CLIC4: variants seen among roughly 807,000 people sequenced by gnomAD.
CLIC4 encodes the protein chloride intracellular channel protein 4.
In CLIC4, 13 loss-of-function variants were observed where a neutral mutation model predicts 24.6. The ratio of observed to expected loss-of-function variants is 0.53; its 90% confidence interval spans 0.34 to 0.84. The LOEUF is 0.84. Among genes scored for constraint, CLIC4 ranks in the 40% least tolerant of loss-of-function variants. The probability of loss-of-function intolerance (pLI) is 0.01; values close to 1 mark genes in which losing one functional copy is unlikely to be tolerated. For missense variants in CLIC4, 227 were observed against 301.7 expected, an observed-to-expected ratio of 0.75 and a Z score of 1.83; for synonymous variants, 104 against 111.3, an observed-to-expected ratio of 0.93 and a Z score of 0.41.
intron 1 of CLIC4, among the ~76,000 whole-genome samples, chr1:24,775,481 T>A (rs1375848546): frequency 6.6e-6 from 1 of 151,668 alleles, no homozygotes; most frequent in East Asian, 1.9e-4. Context: ...AATTGAATAA[T>A]TTCTTGGTTC....
intron 3 of CLIC4, among the ~76,000 whole-genome samples, chr1:24,820,108 TG>T (rs1271780023): frequency 1.0e-5 from 1 of 97,552 alleles, no homozygotes; most frequent in Non-Finnish European, 2.2e-5. Context: ...GACAGTATCT[TG>T]TACTGTCGCC....
At chr1:24,821,518 T>G (rs1453742668) in intron 3 of CLIC4, among the ~76,000 whole-genome samples, 1 of 151,978 alleles carries the variant, frequency 6.6e-6, no homozygotes, top group East Asian at 1.9e-4. Flanking sequence ...GGGTAAAAAT[T>G]TTTACTTCTT....
chr1:24,789,367 A>C (rs1329445823), intron 1 of CLIC4, among the ~76,000 whole-genome samples: 1 of 152,126 alleles, frequency 6.6e-6, no homozygotes, highest in South Asian at 2.1e-4. Flanking sequence ...AAAATACAAA[A>C]ATTAGCTGGG....
intron 2 of CLIC4, among the ~76,000 whole-genome samples, chr1:24,799,304 C>T (rs1237692022): frequency 2.6e-5 from 4 of 151,986 alleles, no homozygotes; most frequent in African/African-American, 4.8e-5. Flanking sequence ...CCCGCCTCCC[C>T]ATCTGGGATG....
At chr1:24,796,491 A>AT (rs1639403977) in intron 1 of CLIC4, among the ~76,000 whole-genome samples, 1 of 152,050 alleles carries the variant, frequency 6.6e-6, no homozygotes, top group African/African-American at 2.4e-5. Context: ...CCAGCTTATA[A>AT]TTCGTATTTT....
At chr1:24,754,142 G>A (rs1638812815) in intron 1 of CLIC4, among the ~76,000 whole-genome samples, 1 of 152,102 alleles carries the variant, frequency 6.6e-6, no homozygotes, top group South Asian at 2.1e-4. Flanking sequence ...TGCTACTTTT[G>A]GCAAAGGCCA....
chr1:24,774,476 T>A (rs1326393923), intron 1 of CLIC4, among the ~76,000 whole-genome samples: 1 of 152,188 alleles, frequency 6.6e-6, no homozygotes. Flanking sequence ...TTATTGTTGT[T>A]ATTGTTATTC....
chr1:24,826,042 A>C (rs771636038), intron 3 of CLIC4, among the ~76,000 whole-genome samples: 2 of 152,260 alleles, frequency 1.3e-5, no homozygotes, highest in Non-Finnish European at 2.9e-5. Context: ...TAAAGGGAAG[A>C]TGAATAATTG....
chr1:24,805,103 AAAC>A lies in CLIC4; in HGVS notation c.182+7254_182+7256del, dbSNP rs1433923675. Among the ~76,000 whole-genome samples the A allele has an allele frequency of 2.6e-4, 33 of 124,750 alleles. 2 individuals carry two copies. The highest frequency in any genetic ancestry group is 5.6e-4 in the South Asian group (2 of 3,596). The allele number at this position is 124,750 out of a possible 152,430, so 81.8% of individuals were successfully genotyped here. A position where few individuals can be genotyped will look rare whatever the true frequency, so the allele number is the denominator to read the frequency against. On this transcript the variant is annotated intron_variant, in intron 2 of 5. Transcript: ENST00000374379. ...CTCCATGTCAAAAAAAAAAAAAAAA[AAAC>A]ACAAAAACAAAGACAAACGAATTAT...
intron 1 of CLIC4, among the ~76,000 whole-genome samples, chr1:24,791,209 T>G (rs917010311): frequency 2.0e-5 from 3 of 152,182 alleles, no homozygotes; most frequent in Non-Finnish European, 4.4e-5. Flanking sequence ...GTTAGATAAC[T>G]ATATGTTAAT....
At chr1:24,810,253 A>G (rs1639598297) in intron 2 of CLIC4, among the ~76,000 whole-genome samples, 2 of 152,204 alleles carry the variant, frequency 1.3e-5, no homozygotes, top group Non-Finnish European at 2.9e-5. Flanking sequence ...GTTTGTTCAA[A>G]TCAGTATCCA....
At position 24,819,778 on chromosome 1, in the gene CLIC4, C is replaced by G. The variant is rs1452010514; in HGVS notation, c.308+5559C>G. On this transcript the variant is annotated intron_variant, in intron 3 of 5. Transcript: ENST00000374379. Reference sequence around the variant, plus strand: ...TTTTTTTTTGACAGAGTCTCTCTGTCGCCCAGGCTGGAGTGCAGTGGCACA... The same window carrying G: ...TTTTTTTTTGACAGAGTCTCTCTGTGGCCCAGGCTGGAGTGCAGTGGCACA... Among the ~76,000 whole-genome samples the G allele has an allele frequency of 8.1e-5, 11 of 135,248 alleles. No individual in the cohort carries two copies. In the Admixed American group the frequency reaches 8.2e-4, roughly 10 times the overall value. The allele number at this position is 135,248 out of a possible 152,430, so 88.7% of individuals were successfully genotyped here.
At chr1:24,813,819 A>C (rs1342484606) in intron 2 of CLIC4, among the ~76,000 whole-genome samples, 1 of 152,086 alleles carries the variant, frequency 6.6e-6, no homozygotes, top group Non-Finnish European at 1.5e-5. Flanking sequence ...CCCAGGCTCA[A>C]GTGATCCTTC....
rs897350242 is a variant in CLIC4 at position 24,777,459 on chromosome 1, G to A, written c.73-20283G>A. 9.2e-5 allele frequency among the ~76,000 whole-genome samples: 14 copies of A among 152,024 alleles called. No individual in the cohort carries two copies. The South Asian group carries it at 1.0e-3, about 11-fold the overall frequency. On this transcript the variant is annotated intron_variant, in intron 1 of 5. Transcript: ENST00000374379. ...CTCGGGAGGCTGAGGCAGGAGAATCGCTTGAACCTGGGAGGTGGAGGTTGC... is the reference window on the plus strand; with the variant it reads ...CTCGGGAGGCTGAGGCAGGAGAATCACTTGAACCTGGGAGGTGGAGGTTGC...
intron 2 of CLIC4, among the ~76,000 whole-genome samples, chr1:24,801,332 C>T (rs1639488028): frequency 6.6e-6 from 1 of 152,020 alleles, no homozygotes; most frequent in Non-Finnish European, 1.5e-5. Flanking sequence ...TGATAGAAGT[C>T]AAAGGGGAAG....
rs146282401 is a variant in CLIC4, at chr1:24,783,378, C to T, written c.73-14364C>T. ...AGAATCTTTTTTTTTTCCCCTGACA[C>T]GCCAAATTATTTAGTAGTATAATAC... On this transcript the variant is annotated intron_variant, in intron 1 of 5. Transcript: ENST00000374379. 7.7e-3 allele frequency among the ~76,000 whole-genome samples: 1,169 copies of T among 152,086 alleles called. 9 individuals carry two copies. Among genetic ancestry groups the T allele is most frequent in the Middle Eastern group, 0.031 (9 of 294 alleles).
intron 4 of CLIC4, among the ~76,000 whole-genome samples, chr1:24,838,321 CT>C (rs1639906137): frequency 6.6e-6 from 1 of 152,188 alleles, no homozygotes; most frequent in African/African-American, 2.4e-5. Context: ...ATCTTCCCCC[CT>C]TTCTCCATAT....
intron 4 of CLIC4, among the ~76,000 whole-genome samples, chr1:24,836,947 T>C (rs1287789338): frequency 6.6e-6 from 1 of 152,162 alleles, no homozygotes; most frequent in African/African-American, 2.4e-5. Flanking sequence ...GTGATGAAAA[T>C]ACAGAATGTC....
chr1:24,757,290 C>A (rs572859963), intron 1 of CLIC4, among the ~76,000 whole-genome samples: 21 of 152,174 alleles, frequency 1.4e-4, no homozygotes, highest in Non-Finnish European at 2.9e-4. Flanking sequence ...CTTGACCTCG[C>A]AAAGTGTTGG....
Sources: allele counts gnomAD v4.1 joint callset (sites outside exome capture counted in the v4.1 genomes callset), GRCh38; gene constraint gnomAD v4.1.1; transcripts MANE v1.5; gene names NCBI Gene and HGNC (gene_info 2026-07-23, HGNC 2026-07-21).